STX18: variants seen among roughly 807,000 people sequenced by gnomAD.
STX18 encodes the protein syntaxin-18.
STX18 carries 40 observed loss-of-function variants against 50.1 expected under a neutral mutation model. The observed-to-expected ratio is 0.80, with a 90% CI of 0.62 to 1.04. The LOEUF is 1.04. STX18 is among the 50% of genes least tolerant of loss of function. STX18 has a pLI of 0.00. For synonymous variants in STX18, 158 were observed against 151.8 expected (o/e 1.04, Z -0.30); for missense variants, 410 against 415.8 (o/e 0.99, Z 0.12).
intron 1 of STX18, among the ~76,000 whole-genome samples, chr4:4,502,514 A>C (rs1729503776): frequency 6.6e-6 from 1 of 152,200 alleles, no homozygotes; most frequent in Admixed American, 6.5e-5. Flanking sequence ...GAAACTGAAA[A>C]GGTTCACAGG....
chr4:4,419,231 A>G lies in STX18; in HGVS notation c.*803T>C, dbSNP rs1395665849. ...TGGAGGTCAGAAGCACAGGCACGAGAGAAGCAGGCCCGTTCTTCCGTGGCC... is the reference window on the plus strand; with the variant it reads ...TGGAGGTCAGAAGCACAGGCACGAGGGAAGCAGGCCCGTTCTTCCGTGGCC... On this transcript the variant is annotated 3_prime_UTR_variant, in exon 11 of 11. Coordinates refer to ENST00000306200, the MANE Select transcript of STX18 (RefSeq NM_016930.4). 1 of 152,238 alleles carries G rather than the reference A, an allele frequency of 6.6e-6. No individual in the cohort carries two copies. Among genetic ancestry groups the G allele is most frequent in the Non-Finnish European group, 1.5e-5 (1 of 68,054 alleles). The allele number at this position is 152,238 out of a possible 1,614,324, so 9.4% of individuals were successfully genotyped here. A position where few individuals can be genotyped will look rare whatever the true frequency, so the allele number is the denominator to read the frequency against.
chr4:4,541,880 C>T lies in STX18; in HGVS notation c.85G>A (p.Gly29Ser), dbSNP rs770122068. 3.7e-6 allele frequency: 6 copies of T among 1,604,486 alleles called. No individual in the cohort carries two copies. The highest frequency in any genetic ancestry group is 1.3e-5 in the African/African-American group (1 of 74,848). ...TCGTCCCGGCTGCCATCGACCCCGC[C>T]GCCCACCGCCACTCCCAGCGCCTTG... ...RNKALGVAVG[G>S]GVDGSRDELF... The change falls in exon 1 of 11, where the codon GGC (glycine) becomes AGC (serine). Residue 29 changes from glycine to serine, a missense_variant. Transcript: ENST00000306200.
chr4:4,460,604 C>A (rs1416762934), intron 2 of STX18, among the ~76,000 whole-genome samples: 1 of 152,206 alleles, frequency 6.6e-6, no homozygotes, highest in African/African-American at 2.4e-5. Flanking sequence ...CCCTACCCCA[C>A]TTCCATATTT....
chr4:4,520,505 TAA>T (rs1730460352), intron 1 of STX18, among the ~76,000 whole-genome samples: 1 of 152,212 alleles, frequency 6.6e-6, no homozygotes, highest in African/African-American at 2.4e-5. Flanking sequence ...CTTAAAGGAA[TAA>T]GATACCTAAA....
chr4:4,429,374 T>C (rs1190578423), intron 7 of STX18, among the ~76,000 whole-genome samples: 19 of 152,250 alleles, frequency 1.2e-4, no homozygotes, highest in African/African-American at 1.2e-4. Flanking sequence ...TATATTGTTA[T>C]AGAAATCCTT....
In STX18 at chr4:4,456,377, T is replaced by C. The variant is rs555849111; in HGVS notation, c.497+814A>G. On this transcript the variant is annotated intron_variant, in intron 5 of 10. Coordinates refer to ENST00000306200, the MANE Select transcript of STX18 (RefSeq NM_016930.4). ...AAAGCTAGTCTAGAAATGGTCCAGG[T>C]TTGGATACTTGCTCACTGATGTATT... 8.5e-5 allele frequency among the ~76,000 whole-genome samples: 13 copies of C among 152,330 alleles called. No individual in the cohort carries two copies. In the South Asian group the frequency reaches 2.5e-3, roughly 29 times the overall value.
intron 1 of STX18, among the ~76,000 whole-genome samples, chr4:4,536,781 G>C (rs1402118894): frequency 1.3e-5 from 2 of 152,152 alleles, no homozygotes; most frequent in African/African-American, 2.4e-5. Flanking sequence ...AAAAAACGAA[G>C]TTTAGCTTCC....
intron 1 of STX18, among the ~76,000 whole-genome samples, chr4:4,477,537 C>T (rs1484270422): frequency 1.3e-5 from 2 of 152,156 alleles, no homozygotes; most frequent in Non-Finnish European, 2.9e-5. Context: ...CCCACTTCTC[C>T]CAGCAATGCC....
chr4:4,423,368 T>C lies in STX18; in HGVS notation c.831+150A>G, dbSNP rs1230654044. The C allele has an allele frequency of 7.8e-6, 6 of 767,024 alleles. No homozygotes were observed. In the East Asian group the frequency reaches 1.6e-4, roughly 21 times the overall value. The allele number at this position is 767,024 out of a possible 1,614,324, so 47.5% of individuals were successfully genotyped here. ...GCTCTGGGTAGTGAGAGCTTTTCCC[T>C]GAGGAGCTCTGCGCACACACACCTG... On this transcript the variant is annotated intron_variant, in intron 9 of 10. Coordinates refer to ENST00000306200, the MANE Select transcript of STX18 (RefSeq NM_016930.4).
At chr4:4,477,129 G>A (rs1728221938) in intron 1 of STX18, among the ~76,000 whole-genome samples, 1 of 152,098 alleles carries the variant, frequency 6.6e-6, no homozygotes, top group South Asian at 2.1e-4. Flanking sequence ...TGTAATCCCA[G>A]CTACTCGGGA....
At chr4:4,469,426 C>T (rs1357721171) in intron 2 of STX18, among the ~76,000 whole-genome samples, 1 of 132,154 alleles carries the variant, frequency 7.6e-6, no homozygotes, top group East Asian at 1.9e-4. Context: ...TGAAATGAAG[C>T]GACAGGGCCT....
chr4:4,475,881 A>C (rs908330908), intron 1 of STX18, among the ~76,000 whole-genome samples: 3 of 152,184 alleles, frequency 2.0e-5, no homozygotes, highest in African/African-American at 7.2e-5. Context: ...TTGGCCTCCC[A>C]AAGTGCTGGG....
intron 1 of STX18, among the ~76,000 whole-genome samples, chr4:4,496,669 G>A (rs1026935221): frequency 6.6e-6 from 1 of 152,148 alleles, no homozygotes; most frequent in Admixed American, 6.5e-5. Context: ...GCCTTGGATG[G>A]TGCTGCCCAA....
intron 5 of STX18, among the ~76,000 whole-genome samples, chr4:4,445,387 C>T (rs1476789583): frequency 1.3e-5 from 2 of 151,330 alleles, no homozygotes; most frequent in African/African-American, 2.4e-5. Context: ...GCCTGGGCAA[C>T]AAGAACGAAA....
At chr4:4,475,481 A>C (rs1271142487) in intron 1 of STX18, among the ~76,000 whole-genome samples, 4 of 152,020 alleles carry the variant, frequency 2.6e-5, no homozygotes, top group Non-Finnish European at 4.4e-5. Context: ...CAAAAAAAAA[A>C]ACATGACAAA....
chr4:4,515,016 C>T (rs1295146622), intron 1 of STX18, among the ~76,000 whole-genome samples: 1 of 152,086 alleles, frequency 6.6e-6, no homozygotes, highest in African/African-American at 2.4e-5. Context: ...CTCATGAAAA[C>T]ATTCAACATA....
At chr4:4,441,179 A>G (rs973984992) in intron 5 of STX18, among the ~76,000 whole-genome samples, 1 of 152,222 alleles carries the variant, frequency 6.6e-6, no homozygotes, top group African/African-American at 2.4e-5. Context: ...GTCAGAAATC[A>G]TAATTCTGGC....
intron 1 of STX18, chr4:4,499,515 A>G: frequency 1.0e-6 from 1 of 985,452 alleles, no homozygotes; most frequent in Non-Finnish European, 1.2e-6. Flanking sequence ...ACTGCAAAGA[A>G]ACAGCAAAAT....
intron 2 of STX18, among the ~76,000 whole-genome samples, chr4:4,471,409 TAGAG>T (rs1727910948): frequency 6.6e-6 from 1 of 152,174 alleles, no homozygotes; most frequent in South Asian, 2.1e-4. Flanking sequence ...TAATGGTACA[TAGAG>T]AGATACAAAT....
Sources: gnomAD v4.1 joint callset for allele counts (sites outside exome capture counted in the v4.1 genomes callset) on GRCh38, gnomAD v4.1.1 for gene constraint, MANE v1.5 for transcripts, NCBI Gene and HGNC (gene_info 2026-07-23, HGNC 2026-07-21) for gene names.